The following ZNF385B variants were observed in gnomAD, a reference collection of about 807,000 sequenced individuals.
The protein encoded by ZNF385B is zinc finger protein 385B.
A neutral mutation model predicts 39.2 loss-of-function variants in ZNF385B; 23 were observed. The observed-to-expected ratio is 0.59, with a 90% CI of 0.42 to 0.83. The LOEUF is 0.83. ZNF385B is among the 40% of genes least tolerant of loss of function. The pLI is 0.00. For missense variants in ZNF385B, 552 were observed against 598.9 expected (o/e 0.92, Z 0.82); for synonymous variants, 205 against 222.6 (o/e 0.92, Z 0.70).
intron 1 of ZNF385B, among the ~76,000 whole-genome samples, chr2:179,818,260 G>A (rs1186758930): frequency 3.9e-5 from 6 of 152,152 alleles, no homozygotes; most frequent in Non-Finnish European, 8.8e-5. Flanking sequence ...CCGACATAAT[G>A]ACAGGTCCCT....
At chr2:179,644,483 T>A (rs1692540066) in intron 3 of ZNF385B, among the ~76,000 whole-genome samples, 1 of 152,158 alleles carries the variant, frequency 6.6e-6, no homozygotes. Context: ...CAAAAATAGA[T>A]GTAACAGAAA....
chr2:179,550,852 CA>C (rs950365541), intron 3 of ZNF385B, among the ~76,000 whole-genome samples: 3 of 149,432 alleles, frequency 2.0e-5, no homozygotes, highest in African/African-American at 7.6e-5. Context: ...GCCTGAAAGT[CA>C]GCAGGAGTTA....
chr2:179,726,158 A>C (rs1302994535), intron 3 of ZNF385B, among the ~76,000 whole-genome samples: 1 of 152,014 alleles, frequency 6.6e-6, no homozygotes, highest in Non-Finnish European at 1.5e-5. Flanking sequence ...ATGAAATACC[A>C]GTTTAAAAAA....
chr2:179,833,768 GA>G (rs1233838477), intron 1 of ZNF385B, among the ~76,000 whole-genome samples: 2 of 151,824 alleles, frequency 1.3e-5, no homozygotes, highest in African/African-American at 4.8e-5. Flanking sequence ...AATTCACTCA[GA>G]AAAAAATGAA....
chr2:179,841,713 A>C (rs1486028976), intron 1 of ZNF385B, among the ~76,000 whole-genome samples: 1 of 152,104 alleles, frequency 6.6e-6, no homozygotes, highest in Admixed American at 6.5e-5. Context: ...CTGGGGGCAA[A>C]ATCTCCATTG....
intron 6 of ZNF385B, among the ~76,000 whole-genome samples, chr2:179,466,950 A>AGAGAGAGAGG (rs2052106436): frequency 7.9e-6 from 1 of 127,360 alleles, no homozygotes; most frequent in African/African-American, 2.8e-5. Context: ...AAAAAGAGAG[A>AGAGAGAGAGG]GAGAAAGGGA....
chr2:179,774,832 A>T (rs1255394881), intron 1 of ZNF385B, among the ~76,000 whole-genome samples: 1 of 152,220 alleles, frequency 6.6e-6, no homozygotes, highest in Non-Finnish European at 1.5e-5. Context: ...AATTAAAAAT[A>T]AGGCTTAAAG....
chr2:179,541,979 A>G (rs1233328187), intron 4 of ZNF385B, among the ~76,000 whole-genome samples: 3 of 152,200 alleles, frequency 2.0e-5, no homozygotes, highest in Non-Finnish European at 4.4e-5. Flanking sequence ...CCTCTAGACA[A>G]TAAGAGTAAT....
chr2:179,676,867 G>C (rs1464009266), intron 3 of ZNF385B, among the ~76,000 whole-genome samples: 1 of 152,136 alleles, frequency 6.6e-6, no homozygotes, highest in Admixed American at 6.5e-5. Flanking sequence ...CATGCCAAAT[G>C]GTGCTGAGGT....
intron 1 of ZNF385B, among the ~76,000 whole-genome samples, chr2:179,780,359 G>T (rs1704595337): frequency 6.6e-6 from 1 of 152,178 alleles, no homozygotes; most frequent in Admixed American, 6.5e-5. Flanking sequence ...AGGAGTCCCA[G>T]AGGGCTGGCA....
At chr2:179,841,728 C>A (rs1161707078) in intron 1 of ZNF385B, among the ~76,000 whole-genome samples, 2 of 152,152 alleles carry the variant, frequency 1.3e-5, no homozygotes. Context: ...CCATTGAGAG[C>A]CACTGGTTTA....
intron 3 of ZNF385B, among the ~76,000 whole-genome samples, chr2:179,749,387 C>G (rs914990015): frequency 6.6e-6 from 1 of 152,040 alleles, no homozygotes; most frequent in African/African-American, 2.4e-5. Flanking sequence ...CCTCCAAACT[C>G]CATGTAATCA....
At position 179,764,204 on chromosome 2, in the gene ZNF385B, T is replaced by A. The variant is rs560860152; in HGVS notation, c.298+5299A>T. On this transcript the variant is annotated intron_variant, in intron 3 of 9. Transcript: ENST00000410066. ...AGTTGAATATCTTATCAGTACATAA[T>A]GTCTTACTCTGTCCCTAGTAAATTT... Among the ~76,000 whole-genome samples the A allele has an allele frequency of 1.2e-4, 18 of 152,312 alleles. 1 individual carries two copies. The South Asian group carries it at 3.5e-3, about 30-fold the overall frequency.
chr2:179,857,338 T>C (rs1294486490), intron 1 of ZNF385B, among the ~76,000 whole-genome samples: 1 of 152,122 alleles, frequency 6.6e-6, no homozygotes, highest in Non-Finnish European at 1.5e-5. Context: ...TAGGGGAGAA[T>C]GCACAAAGCA....
At chr2:179,557,781 T>C (rs1400875506) in intron 3 of ZNF385B, among the ~76,000 whole-genome samples, 1 of 152,008 alleles carries the variant, frequency 6.6e-6, no homozygotes, top group East Asian at 1.9e-4. Context: ...ATGGGTATAT[T>C]GTATGATGCT....
At chr2:179,699,919 C>T (rs920134839) in intron 3 of ZNF385B, among the ~76,000 whole-genome samples, 8 of 152,094 alleles carry the variant, frequency 5.3e-5, no homozygotes, top group African/African-American at 1.2e-4. Flanking sequence ...ATACAATCAT[C>T]GACACCACTC....
chr2:179,596,298 T>C (rs1018982570), intron 3 of ZNF385B, among the ~76,000 whole-genome samples: 1 of 152,186 alleles, frequency 6.6e-6, no homozygotes, highest in African/African-American at 2.4e-5. Context: ...TTCATCTTTT[T>C]TGAACAGTAG....
At position 179,738,552 on chromosome 2, in the gene ZNF385B, C is replaced by A. The variant is rs1243636802; in HGVS notation, c.298+30951G>T. ...TTACATTTTATCAATATTCCTACAT[C>A]GTTTTTCACTACTTCCTCCACTTAC... On this transcript the variant is annotated intron_variant, in intron 3 of 9. Coordinates refer to ENST00000410066, the MANE Select transcript of ZNF385B (RefSeq NM_152520.6). Among the ~76,000 whole-genome samples the A allele has an allele frequency of 1.3e-5, 2 of 152,138 alleles. 1 individual carries two copies. Among genetic ancestry groups the A allele is most frequent in the South Asian group, 4.1e-4 (2 of 4,824 alleles).
chr2:179,759,957 A>C, intron 3 of ZNF385B, among the ~76,000 whole-genome samples: 1 of 152,126 alleles, frequency 6.6e-6, no homozygotes, highest in African/African-American at 2.4e-5. Context: ...TTTTAACTGA[A>C]ATTTTTATCA....
Sources: gnomAD v4.1 joint callset for allele counts (sites outside exome capture counted in the v4.1 genomes callset) on GRCh38, gnomAD v4.1.1 for gene constraint, MANE v1.5 for transcripts, NCBI Gene and HGNC (gene_info 2026-07-23, HGNC 2026-07-21) for gene names.